The following CLSPN variants were observed in gnomAD, a reference collection of about 807,000 sequenced individuals.
CLSPN encodes claspin, also known as claspin homolog.
Under a neutral mutation model 156.3 loss-of-function variants are expected in CLSPN, and 85 were observed. That is an observed-to-expected ratio of 0.54 (90% CI 0.46 to 0.65). The LOEUF (loss-of-function observed/expected upper bound fraction) is 0.65. Ranked by LOEUF, CLSPN falls within the 30% of genes least tolerant of loss-of-function variation. The pLI is 0.00. For synonymous variants in CLSPN, 534 were observed against 542.4 expected, an observed-to-expected ratio of 0.98 and a Z score of 0.22; for missense variants, 1,407 against 1,554.9, an observed-to-expected ratio of 0.90 and a Z score of 1.60.
At chr1:35,737,567 T>A in intron 22 of CLSPN, 146 bp from the exon 23 acceptor site, 1 of 599,172 alleles carries the variant, frequency 1.7e-6, no homozygotes, top group Admixed American at 2.9e-5. Flanking sequence ...TTTCAAACTA[T>A]AATAATTGGC....
intron 8 of CLSPN, among the ~76,000 whole-genome samples, chr1:35,760,120 C>A (rs968076801): frequency 6.6e-6 from 1 of 152,228 alleles, no homozygotes; most frequent in Non-Finnish European, 1.5e-5. Flanking sequence ...GCGTAAGCCA[C>A]CGCACCCAGC....
Position 35,739,224 on chromosome 1 carries a change from T to A in CLSPN, c.3342A>T (p.Leu1114=), listed in dbSNP as rs375846467. 3 of 1,614,122 alleles carry A rather than the reference T, an allele frequency of 1.9e-6. No individual in the cohort carries two copies. Among genetic ancestry groups the A allele is most frequent in the African/African-American group, 1.3e-5 (1 of 74,942 alleles). The part of the protein sequence containing the change: ...KTMLDDDKRQ[L]RLYQERYLAD... ...CAAGGTACCTCTCTTGGTATAAACG[T>A]AGCTGTCGCTTATCATCATCCAACA... The change falls in exon 20 of 25, where the codon CTA becomes CTT. Residue 1114 remains leucine, a synonymous_variant. Transcript: ENST00000318121.
rs191097922 is a variant in CLSPN, at chr1:35,748,412, G to A, written c.2465C>T (p.Ala822Val). ...AAACCATTACCATCTTACCTTAGAA[G>A]CTGAGCTGACCAAACTGGCTCGAAA... ...GLFRASLVSSASKSSGKLSEP... is the reference protein window; with the variant it reads ...GLFRASLVSSVSKSSGKLSEP... Residue 822 changes from alanine to valine, a missense_variant, in exon 13 of 25, where the codon GCT (alanine) becomes GTT (valine). Transcript: ENST00000318121. The A allele has an allele frequency of 7.4e-6, 12 of 1,613,776 alleles. No individual in the cohort carries two copies. In the Admixed American group the frequency reaches 1.2e-4, roughly 16 times the overall value.
Position 35,734,975 on chromosome 1 carries a change from C to T in CLSPN, c.*1521G>A. On this transcript the variant is annotated 3_prime_UTR_variant, in exon 25 of 25. Transcript: ENST00000318121. ...AATGGAGAATGATGGCAATTCTCTTCAATAATATTTTTATTAAATTCCATG... is the reference window on the plus strand; with the variant it reads ...AATGGAGAATGATGGCAATTCTCTTTAATAATATTTTTATTAAATTCCATG... The T allele has an allele frequency of 1.0e-6, 1 of 985,298 alleles. No individual in the cohort carries two copies. The highest frequency in any genetic ancestry group is 1.2e-6 in the Non-Finnish European group (1 of 829,858). The allele number at this position is 985,298 out of a possible 1,614,324, so 61.0% of individuals were successfully genotyped here.
At position 35,763,304 on chromosome 1, in the gene CLSPN, C is replaced by A; in HGVS notation, c.600G>T (p.Gln200His). The A allele has an allele frequency of 6.3e-7, 1 of 1,594,150 alleles. No individual in the cohort carries two copies. The highest frequency in any genetic ancestry group is 1.8e-4 in the Middle Eastern group (1 of 5,706). Residue 200 changes from glutamine (Q) to histidine (H), a missense_variant, in exon 4 of 25, where the codon CAG (glutamine) becomes CAT (histidine). Gln to His is a conservative substitution (Grantham distance 24). Around this residue, in one of 3 missense-constraint regions of CLSPN, gnomAD observed 1,096 missense variants for 1,193.0 expected, o/e 0.92. Coordinates refer to ENST00000318121, the MANE Select transcript of CLSPN (RefSeq NM_022111.4). ...ETKNQEDDVE[Q>H]PFNDSGCLLV... The stretch of plus-strand genomic sequence containing the variant: ...GAAGACAGCCACTGTCATTAAATGG[C>A]TGTTCTACATCATCTTCCTAAGTAA...
rs762551975 is a variant in CLSPN, at chr1:35,751,235, G to A, written c.2028+15C>T. 1.8e-5 allele frequency: 29 copies of A among 1,595,050 alleles called. No individual in the cohort carries two copies. The East Asian group carries it at 6.5e-4, about 36-fold the overall frequency. ...CACCATGACAAGGTAACAAAACAAC[G>A]TAATTGCCAGAAACCTCCTGATTTC... On this transcript the variant is annotated intron_variant, in intron 10 of 24. Transcript: ENST00000318121.
downstream of CLSPN, among the ~76,000 whole-genome samples, chr1:35,729,684 A>G (rs573909408): frequency 3.1e-4 from 47 of 152,188 alleles, no homozygotes; most frequent in Admixed American, 1.3e-4. Flanking sequence ...TTCTACTGCT[A>G]TAACAAGTCT....
At chr1:35,743,387 G>GA (rs1185983860) in intron 17 of CLSPN, 68 bp downstream of exon 17, 56 of 1,456,950 alleles carry the variant, frequency 3.8e-5, no homozygotes, top group Admixed American at 2.4e-4. Flanking sequence ...GAACTGAGGG[G>GA]AAAAAAACAC....
rs1169054992 is a variant in CLSPN at position 35,735,076 on chromosome 1, AG to A, written c.*1419del. 5 of 985,358 alleles carry A rather than the reference AG, an allele frequency of 5.1e-6. No individual in the cohort carries two copies. Among genetic ancestry groups the A allele is most frequent in the African/African-American group, 1.7e-5 (1 of 57,246 alleles). 61.0% of individuals were successfully genotyped at this position (985,358 alleles called of 1,614,324 possible). On this transcript the variant is annotated 3_prime_UTR_variant, in exon 25 of 25. Coordinates refer to ENST00000318121, the MANE Select transcript of CLSPN (RefSeq NM_022111.4). ...GTGAGGGCAATGTATGTAAGCCAGAAGAATGCAATAAATAAGGGTTATGTTT... is the reference window on the plus strand; with the variant it reads ...GTGAGGGCAATGTATGTAAGCCAGAAAATGCAATAAATAAGGGTTATGTTT...
At chr1:35,767,041 C>A (rs1642703060) in intron 1 of CLSPN, among the ~76,000 whole-genome samples, 1 of 152,174 alleles carries the variant, frequency 6.6e-6, no homozygotes, top group South Asian at 2.1e-4. Context: ...GCCACCACAA[C>A]CGGCCCTGTA....
chr1:35,748,915 T>G (rs1364239078), intron 12 of CLSPN: 3 of 354,896 alleles, frequency 8.5e-6, no homozygotes, highest in African/African-American at 7.2e-5. Flanking sequence ...AACCTCCGCC[T>G]CCCAGGTTCA....
chr1:35,741,721 T>A (rs1407557239), intron 18 of CLSPN, among the ~76,000 whole-genome samples: 1 of 151,870 alleles, frequency 6.6e-6, no homozygotes, highest in African/African-American at 2.4e-5. Context: ...ACGCCTGTAA[T>A]CCCAGCATGT....
downstream of CLSPN, among the ~76,000 whole-genome samples, chr1:35,727,545 G>A (rs1204009599): frequency 2.0e-5 from 3 of 152,186 alleles, no homozygotes; most frequent in African/African-American, 7.2e-5. Flanking sequence ...TTTGTCAAAG[G>A]AACAGCAGGT....
chr1:35,731,271 T>C (rs891437017), downstream of CLSPN, among the ~76,000 whole-genome samples: 4 of 151,392 alleles, frequency 2.6e-5, no homozygotes, highest in Non-Finnish European at 5.9e-5. Context: ...CTGAGGAAAT[T>C]AGGCTTAAGC....
chr1:35,750,062 T>C (rs113533963), intron 10 of CLSPN, among the ~76,000 whole-genome samples: 108 of 152,262 alleles, frequency 7.1e-4, no homozygotes, highest in African/African-American at 2.5e-3. Flanking sequence ...GACTGGATTA[T>C]CATTTTATTG....
At position 35,769,837 on chromosome 1, in the gene CLSPN, A is replaced by G; in HGVS notation, c.24+10T>C. ...CTAAGCCCCCGTGGGGGGCGTGTGC[A>G]TAAACTCACCTCAGAACCCACCTCG... On this transcript the variant is annotated intron_variant, in intron 1 of 24. Transcript: ENST00000318121. The G allele has an allele frequency of 6.9e-6, 11 of 1,600,916 alleles. No homozygotes were observed. Among genetic ancestry groups the G allele is most frequent in the South Asian group, 1.1e-5 (1 of 89,514 alleles).
intron 14 of CLSPN, among the ~76,000 whole-genome samples, chr1:35,747,254 G>C (rs1293760246): frequency 6.6e-6 from 1 of 152,018 alleles, no homozygotes; most frequent in Non-Finnish European, 1.5e-5. Context: ...CCCAGGAGGT[G>C]GAGCTTGCAG....
intron 24 of CLSPN, 38 bp from the exon 25 acceptor site, chr1:35,736,644 C>G (rs1557499264): frequency 1.3e-6 from 2 of 1,575,584 alleles, no homozygotes; most frequent in African/African-American, 2.7e-5. Flanking sequence ...AGCTAAAGAC[C>G]TTCATACAAG....
At chr1:35,754,004 G>T in intron 8 of CLSPN, 68 bp from the exon 9 acceptor site, 1 of 1,461,368 alleles carries the variant, frequency 6.8e-7, no homozygotes, top group Non-Finnish European at 9.3e-7. Flanking sequence ...AGACTTATAA[G>T]CTAAGTTTTT....
Sources: allele counts gnomAD v4.1 joint callset (sites outside exome capture counted in the v4.1 genomes callset), GRCh38; gene constraint gnomAD v4.1.1; regional missense constraint gnomAD v4.1.1; transcripts MANE v1.5; gene names NCBI Gene and HGNC (gene_info 2026-07-23, HGNC 2026-07-21).